The following NOS1 variants were observed in gnomAD, a reference collection of about 807,000 sequenced individuals.
NOS1 encodes the protein nitric oxide synthase 1.
Under a neutral mutation model 164.5 loss-of-function variants are expected in NOS1, and 51 were observed. The ratio of observed to expected loss-of-function variants is 0.31; its 90% CI spans 0.25 to 0.39. The LOEUF is 0.39. NOS1 is among the 10% of genes least tolerant of loss of function. The pLI is 1.00. For missense variants in NOS1, 1,362 were observed against 1,885.6 expected (o/e 0.72, Z 5.14); for synonymous variants, 719 against 745.8 (o/e 0.96, Z 0.59).
chr12:117,228,131 GA>G (rs1868867097), intron 22 of NOS1, among the ~76,000 whole-genome samples: 1 of 151,892 alleles, frequency 6.6e-6, no homozygotes, highest in Non-Finnish European at 1.5e-5. Flanking sequence ...AAGAAAGAAA[GA>G]AAAGAAAAAG....
At position 117,272,665 on chromosome 12, in the gene NOS1, G is replaced by A. The variant is rs1452627950; in HGVS notation, c.1665-106C>T. The A allele has an allele frequency of 5.5e-6, 6 of 1,083,842 alleles. No individual in the cohort carries two copies. In the African/African-American group the frequency reaches 9.5e-5, roughly 17 times the overall value. The allele number at this position is 1,083,842 out of a possible 1,614,324, so 67.1% of individuals were successfully genotyped here. On this transcript the variant is annotated intron_variant, in intron 9 of 28. Transcript: ENST00000317775. The surrounding 1 kb of genome is among the most constrained non-coding windows in gnomAD (Gnocchi z 4.3). ...GCCAAGGATGGACTGGGACTGACAA[G>A]GTCAGAATATGGTTCCTGGGCCCTG...
In NOS1 at chr12:117,210,939, T is replaced by C. The variant is rs1232158940; in HGVS notation, c.*4370A>G. 1 of 977,894 alleles carries C rather than the reference T, an allele frequency of 1.0e-6. No individual in the cohort carries two copies. Among genetic ancestry groups the C allele is most frequent in the African/African-American group, 1.8e-5 (1 of 56,246 alleles). The allele number at this position is 977,894 out of a possible 1,614,324, so 60.6% of individuals were successfully genotyped here. A position where few individuals can be genotyped will look rare whatever the true frequency, so the allele number is the denominator to read the frequency against. The stretch of plus-strand genomic sequence containing the variant: ...ACCTCTCTCTCAGCTAGGGGCAAGA[T>C]GTTTTATTTTATTTTATTTTATTTT... On this transcript the variant is annotated 3_prime_UTR_variant, in exon 29 of 29. Coordinates refer to ENST00000317775, the MANE Select transcript of NOS1 (RefSeq NM_000620.5).
Position 117,209,070 on chromosome 12 carries a change from C to T in NOS1, c.*6239G>A, listed in dbSNP as rs1956489322. The T allele has an allele frequency of 2.9e-5, 29 of 985,336 alleles. No homozygotes were observed. Among genetic ancestry groups the T allele is most frequent in the Non-Finnish European group, 3.4e-5 (28 of 829,926 alleles). 61.0% of individuals were successfully genotyped at this position (985,336 alleles called of 1,614,324 possible). On this transcript the variant is annotated 3_prime_UTR_variant, in exon 29 of 29. Coordinates refer to ENST00000317775, the MANE Select transcript of NOS1 (RefSeq NM_000620.5). ...ACTGCCCTCCCCATGCCCCCTCCCC[C>T]GGACACCCTCAAATCCCACTTTGGC...
At chr12:117,287,781 T>C (rs765583484) in intron 5 of NOS1, among the ~76,000 whole-genome samples, 14 of 152,242 alleles carry the variant, frequency 9.2e-5, no homozygotes, top group Non-Finnish European at 5.9e-5. Context: ...CTATAAACAA[T>C]GTTTCAGTGA....
At chr12:117,256,206 G>C (rs999464179) in intron 16 of NOS1, among the ~76,000 whole-genome samples, 2 of 151,730 alleles carry the variant, frequency 1.3e-5, no homozygotes, top group African/African-American at 2.4e-5. Flanking sequence ...ACTCAGCAAC[G>C]GTCAGTCTCC....
At position 117,209,071 on chromosome 12, in the gene NOS1, G is replaced by A. The variant is rs1029334426; in HGVS notation, c.*6238C>T. 2.2e-5 allele frequency: 22 copies of A among 984,818 alleles called. No individual in the cohort carries two copies. Among genetic ancestry groups the A allele is most frequent in the Non-Finnish European group, 2.5e-5 (21 of 829,736 alleles). The allele number at this position is 984,818 out of a possible 1,614,324, so 61.0% of individuals were successfully genotyped here. A position where few individuals can be genotyped will look rare whatever the true frequency, so the allele number is the denominator to read the frequency against. On this transcript the variant is annotated 3_prime_UTR_variant, in exon 29 of 29. Transcript: ENST00000317775. The stretch of plus-strand genomic sequence containing the variant: ...CTGCCCTCCCCATGCCCCCTCCCCC[G>A]GACACCCTCAAATCCCACTTTGGCA...
chr12:117,314,166 G>C (rs760283843), intron 2 of NOS1, among the ~76,000 whole-genome samples: 23 of 152,324 alleles, frequency 1.5e-4, no homozygotes, highest in Admixed American at 6.5e-5. Context: ...TGCCTGGAGA[G>C]GTTTGCATTC....
In NOS1 at chr12:117,211,632, C is replaced by T. The variant is rs757332019; in HGVS notation, c.*3677G>A. On this transcript the variant is annotated 3_prime_UTR_variant, in exon 29 of 29. Transcript: ENST00000317775. ...AGCCAGCCTCAATTTATCTTACATG[C>T]TCCCTGTCCGTGCCTTTCCTCTCAC... 2 of 985,624 alleles carry T rather than the reference C, an allele frequency of 2.0e-6. No individual in the cohort carries two copies. The highest frequency in any genetic ancestry group is 2.4e-6 in the Non-Finnish European group (2 of 830,070). The allele number at this position is 985,624 out of a possible 1,614,324, so 61.1% of individuals were successfully genotyped here. A position where few individuals can be genotyped will look rare whatever the true frequency, so the allele number is the denominator to read the frequency against.
chr12:117,262,790 C>T (rs1872045776), intron 13 of NOS1, among the ~76,000 whole-genome samples: 2 of 151,984 alleles, frequency 1.3e-5, no homozygotes, highest in African/African-American at 4.8e-5. Flanking sequence ...AGAAGGCTGG[C>T]ATCCCCGTTA....
chr12:117,340,011 T>C (rs1876022141), intron 1 of NOS1, among the ~76,000 whole-genome samples: 1 of 152,186 alleles, frequency 6.6e-6, no homozygotes, highest in Admixed American at 6.5e-5. Context: ...TATTCTTTAT[T>C]TATTTATTTT....
chr12:117,231,970 G>A lies in NOS1; in HGVS notation c.3397C>T (p.Leu1133Phe). ...SEKEKQRLLV[L>F]SKGLQEYEEW... Reference sequence around the variant, plus strand: ...GAAGCCTGGGGACCCACCTTGCTGAGGACCAGCAGACGCTGCTTCTCCTTC... The same window carrying A: ...GAAGCCTGGGGACCCACCTTGCTGAAGACCAGCAGACGCTGCTTCTCCTTC... The change falls in exon 22 of 29, where the codon CTC becomes TTC. Residue 1133 changes from leucine to phenylalanine, a missense_variant. Transcript: ENST00000317775. 1 of 1,612,238 alleles carries A rather than the reference G, an allele frequency of 6.2e-7. No individual in the cohort carries two copies. The highest frequency in any genetic ancestry group is 1.3e-5 in the African/African-American group (1 of 75,010).
In NOS1 at chr12:117,215,175, C is replaced by T; in HGVS notation, c.*134G>A. On this transcript the variant is annotated 3_prime_UTR_variant, in exon 29 of 29. Transcript: ENST00000317775. ...GAGGAAACCACTGAGGGGCGAGAAG[C>T]CCGAGGAGGGAAACCAGGGCACAGC... 7.5e-7 allele frequency: 1 copy of T among 1,334,336 alleles called. No individual in the cohort carries two copies. Among genetic ancestry groups the T allele is most frequent in the Admixed American group, 2.9e-5 (1 of 34,278 alleles). The allele number at this position is 1,334,336 out of a possible 1,614,324, so 82.7% of individuals were successfully genotyped here. A position where few individuals can be genotyped will look rare whatever the true frequency, so the allele number is the denominator to read the frequency against.
At chr12:117,339,045 G>A (rs73208153) in intron 1 of NOS1, among the ~76,000 whole-genome samples, 16,904 of 152,174 alleles carry the variant, frequency 0.11, 1,081 homozygotes, top group Admixed American at 0.19. Flanking sequence ...AAAACCACCA[G>A]CTTCTTTACA....
Position 117,209,706 on chromosome 12 carries a change from CA to C in NOS1, c.*5602del. 3.0e-6 allele frequency: 3 copies of C among 985,506 alleles called. No homozygotes were observed. The highest frequency in any genetic ancestry group is 2.3e-4 in the East Asian group (2 of 8,816). 61.0% of individuals were successfully genotyped at this position (985,506 alleles called of 1,614,324 possible). On this transcript the variant is annotated 3_prime_UTR_variant, in exon 29 of 29. Coordinates refer to ENST00000317775, the MANE Select transcript of NOS1 (RefSeq NM_000620.5). ...GTATTAATAGGAAACAGACTCTCGACAGACACTGCTTTCCACGGGTGAAAGT... is the reference window on the plus strand; with the variant it reads ...GTATTAATAGGAAACAGACTCTCGACGACACTGCTTTCCACGGGTGAAAGT...
At chr12:117,252,153 A>G (rs1263778907) in intron 17 of NOS1, among the ~76,000 whole-genome samples, 2 of 152,252 alleles carry the variant, frequency 1.3e-5, no homozygotes, top group African/African-American at 4.8e-5. Flanking sequence ...AAATTCCTGA[A>G]CATTCTCAAT....
intron 24 of NOS1, among the ~76,000 whole-genome samples, chr12:117,226,066 T>C (rs1357945264): frequency 5.9e-5 from 9 of 152,180 alleles, no homozygotes; most frequent in Admixed American, 4.6e-4. Flanking sequence ...GACTCTATGT[T>C]TGAAACACCC....
In NOS1 at chr12:117,213,797, G is replaced by T. The variant is rs1156527464; in HGVS notation, c.*1512C>A. On this transcript the variant is annotated 3_prime_UTR_variant, in exon 29 of 29. Transcript: ENST00000317775. Reference sequence around the variant, plus strand: ...GTCTGGGAGGCCACTAGGATTTCTTGTCTCTTTCTGGGAACTGCCTGACAC... The same window carrying T: ...GTCTGGGAGGCCACTAGGATTTCTTTTCTCTTTCTGGGAACTGCCTGACAC... 1.0e-6 allele frequency: 1 copy of T among 985,250 alleles called. No homozygotes were observed. Among genetic ancestry groups the T allele is most frequent in the Non-Finnish European group, 1.2e-6 (1 of 829,942 alleles). 61.0% of individuals were successfully genotyped at this position (985,250 alleles called of 1,614,324 possible).
At chr12:117,256,066 C>T (rs1465446916) in intron 16 of NOS1, 6 of 1,258,272 alleles carry the variant, frequency 4.8e-6, no homozygotes, top group African/African-American at 1.6e-5. Flanking sequence ...GGTGCCCTAT[C>T]TCTCCCTGAA....
chr12:117,238,889 G>C (rs1869940422), intron 20 of NOS1, among the ~76,000 whole-genome samples: 1 of 152,144 alleles, frequency 6.6e-6, no homozygotes, highest in African/African-American at 2.4e-5. Flanking sequence ...AGAAAAAAAG[G>C]AAAAATTCTT....
Sources: allele counts gnomAD v4.1 joint callset (sites outside exome capture counted in the v4.1 genomes callset), GRCh38; gene constraint gnomAD v4.1.1; non-coding constraint Gnocchi (gnomAD v3.1); transcripts MANE v1.5; gene names NCBI Gene and HGNC (gene_info 2026-07-23, HGNC 2026-07-21).